Variants in KIAA1217 observed in about 807,000 individuals in gnomAD.
KIAA1217 encodes the protein sickle tail protein homolog.
KIAA1217 carries 88 observed loss-of-function variants against 163.9 expected under a neutral mutation model. The ratio of observed to expected loss-of-function variants is 0.54; its 90% CI spans 0.45 to 0.64. KIAA1217 has a LOEUF of 0.64. Ranked by LOEUF, KIAA1217 falls within the 30% of genes least tolerant of loss-of-function variation. The probability of loss-of-function intolerance (pLI) is 0.00; values close to 1 mark genes in which losing one functional copy is unlikely to be tolerated. For synonymous variants in KIAA1217, 903 were observed against 923.1 expected (o/e 0.98, Z 0.39); for missense variants, 2,372 against 2,475.0 (o/e 0.96, Z 0.88).
At chr10:24,206,016 G>A (rs7923800), upstream of KIAA1217, among the ~76,000 whole-genome samples, 84,127 of 151,906 alleles carry the variant, frequency 0.55, 23,408 homozygotes, top group East Asian at 0.7. Flanking sequence ...CTTTTATCTC[G>A]TCACTTGTCT....
At chr10:23,758,046 T>G (rs1834011987) in intron 1 of KIAA1217, among the ~76,000 whole-genome samples, 1 of 152,222 alleles carries the variant, frequency 6.6e-6, no homozygotes, top group Admixed American at 6.5e-5. Context: ...ATGCACAAAA[T>G]TTTTAAATTT....
chr10:24,406,583 T>C (rs926441181), intron 3 of KIAA1217, among the ~76,000 whole-genome samples: 3 of 152,188 alleles, frequency 2.0e-5, no homozygotes, highest in Admixed American at 6.5e-5. Context: ...GTTTATACAA[T>C]TGAAAAGAGG....
chr10:23,854,980 T>C (rs1839572359), intron 1 of KIAA1217, among the ~76,000 whole-genome samples: 1 of 152,220 alleles, frequency 6.6e-6, no homozygotes, highest in Admixed American at 6.5e-5. Flanking sequence ...TTTGCCAGTC[T>C]GTGTCTTTTA....
chr10:23,948,041 C>A (rs1475517477), intron 1 of KIAA1217, among the ~76,000 whole-genome samples: 1 of 152,182 alleles, frequency 6.6e-6, no homozygotes, highest in East Asian at 1.9e-4. Flanking sequence ...ACACTTCTTA[C>A]ACACAAAATT....
intron 17 of KIAA1217, among the ~76,000 whole-genome samples, chr10:24,538,763 C>T: frequency 1.7e-5 from 2 of 115,324 alleles, no homozygotes; most frequent in Admixed American, 1.2e-4. Context: ...GAGACCGAGT[C>T]TCACTCTGTC....
At chr10:23,898,388 G>A (rs545748083) in intron 1 of KIAA1217, among the ~76,000 whole-genome samples, 30 of 151,172 alleles carry the variant, frequency 2.0e-4, no homozygotes, top group Non-Finnish European at 4.0e-4. Flanking sequence ...CCAATTGAAA[G>A]GTTAGAACAC....
chr10:23,930,404 G>A (rs547057987), intron 1 of KIAA1217, among the ~76,000 whole-genome samples: 14 of 152,138 alleles, frequency 9.2e-5, no homozygotes, highest in Admixed American at 6.5e-4. Context: ...AAAAATTGTC[G>A]AAAGTCCTCA....
intron 1 of KIAA1217, among the ~76,000 whole-genome samples, chr10:23,718,937 T>C (rs1837719456): frequency 1.3e-5 from 2 of 151,984 alleles, no homozygotes. Context: ...TTTCAAGAAA[T>C]ATCATTCAGT....
rs533753215 is a variant in KIAA1217, at chr10:23,816,059, C to T, written c.-321+120825C>T. 2.1e-4 allele frequency among the ~76,000 whole-genome samples: 32 copies of T among 152,140 alleles called. No homozygotes were observed. The South Asian group carries it at 4.6e-3, about 22-fold the overall frequency. On this transcript the variant is annotated intron_variant, in intron 1 of 18. Transcript: ENST00000376462. ...AACTCCCTGTCTTTCCTGTGAGGTG[C>T]CATATTTAAAGTTAAGCTACTCCCC...
At chr10:24,530,243 T>C (rs2072919006) in intron 14 of KIAA1217, among the ~76,000 whole-genome samples, 1 of 152,210 alleles carries the variant, frequency 6.6e-6, no homozygotes, top group African/African-American at 2.4e-5. Context: ...ACTTACCTCA[T>C]TTTGGCTCTT....
rs549660456 is a variant in KIAA1217, at chr10:24,238,770, G to C, written c.354+18861G>C. On this transcript the variant is annotated intron_variant, in intron 2 of 20. Transcript: ENST00000376454. ...TTTCAAGGTAACTTTATCCTGCAGA[G>C]AGAGACACGCATGGCCGCTGTAGGT... is the stretch of plus-strand genomic sequence containing the variant. Among the ~76,000 whole-genome samples, 9 of 152,312 alleles carry C rather than the reference G, an allele frequency of 5.9e-5. No homozygotes were observed. In the East Asian group the frequency reaches 9.7e-4, roughly 16 times the overall value.
intron 2 of KIAA1217, among the ~76,000 whole-genome samples, chr10:24,350,535 T>A (rs2134002648): frequency 6.6e-6 from 1 of 152,308 alleles, no homozygotes; most frequent in South Asian, 2.1e-4. Context: ...GTTTTCATGA[T>A]CCGTTCAGAC....
chr10:23,715,700 C>A (rs762903946), intron 1 of KIAA1217, among the ~76,000 whole-genome samples: 23 of 152,082 alleles, frequency 1.5e-4, no homozygotes, highest in Admixed American at 2.0e-4. Context: ...TTTGTTTTCT[C>A]ATCTACAAAT....
intron 5 of KIAA1217, among the ~76,000 whole-genome samples, chr10:24,455,729 C>T (rs771868418): frequency 6.6e-6 from 1 of 152,144 alleles, no homozygotes; most frequent in Non-Finnish European, 1.5e-5. Flanking sequence ...GATCCAATGC[C>T]AAGATGTGGG....
Position 24,312,324 on chromosome 10 carries a change from A to T in KIAA1217, c.355-68545A>T, listed in dbSNP as rs556788953. 5.2e-3 allele frequency among the ~76,000 whole-genome samples: 787 copies of T among 152,266 alleles called. 3 individuals are homozygous for T. Among genetic ancestry groups the T allele is most frequent in the Non-Finnish European group, 6.4e-3 (437 of 68,008 alleles). On this transcript the variant is annotated intron_variant, in intron 2 of 20. Coordinates refer to ENST00000376454, the MANE Select transcript of KIAA1217 (RefSeq NM_019590.5). ...GTCATAGATTTAAAAAAAAAAAAAAAAAAGGCTGGGGCCAGGCACAGTGGC... is the reference window on the plus strand; with the variant it reads ...GTCATAGATTTAAAAAAAAAAAAAATAAAGGCTGGGGCCAGGCACAGTGGC...
intron 2 of KIAA1217, among the ~76,000 whole-genome samples, chr10:24,080,752 CTT>C (rs1390703931): frequency 1.3e-5 from 2 of 152,038 alleles, no homozygotes; most frequent in Non-Finnish European, 2.9e-5. Flanking sequence ...TGTAAAGTGT[CTT>C]TAAGAAACAG....
At chr10:24,060,929 T>C (rs1251893291) in intron 2 of KIAA1217, among the ~76,000 whole-genome samples, 1 of 152,230 alleles carries the variant, frequency 6.6e-6, no homozygotes, top group Non-Finnish European at 1.5e-5. Flanking sequence ...GCTGCTATTG[T>C]TCTGTATAAG....
At chr10:24,162,696 G>C (rs2065174209) in intron 2 of KIAA1217, among the ~76,000 whole-genome samples, 1 of 152,232 alleles carries the variant, frequency 6.6e-6, no homozygotes, top group South Asian at 2.1e-4. Flanking sequence ...TGGATGTTAG[G>C]AATCTGGGAG....
At chr10:24,175,122 G>A (rs1335532410) in intron 2 of KIAA1217, among the ~76,000 whole-genome samples, 5 of 151,906 alleles carry the variant, frequency 3.3e-5, no homozygotes, top group Admixed American at 1.3e-4. Context: ...TTGGCCTCCC[G>A]AAGTGCTGGG....
Sources: gnomAD v4.1 joint callset for allele counts (sites outside exome capture counted in the v4.1 genomes callset) on GRCh38, gnomAD v4.1.1 for gene constraint, MANE v1.5 for transcripts, NCBI Gene and HGNC (gene_info 2026-07-23, HGNC 2026-07-21) for gene names.